Variants in CYP7B1 observed in about 807,000 individuals in gnomAD.
CYP7B1 encodes the protein cytochrome P450 family 7 subfamily B member 1, also known as cytochrome P450 7B1.
Under a neutral mutation model 42.7 loss-of-function variants are expected in CYP7B1, and 29 were observed. The ratio of observed to expected loss-of-function variants is 0.68; its 90% CI spans 0.51 to 0.93. CYP7B1 has a LOEUF of 0.93. CYP7B1 is among the 40% of genes least tolerant of loss of function. The probability of loss-of-function intolerance (pLI) is 0.00; values close to 1 mark genes in which losing one functional copy is unlikely to be tolerated. For missense variants in CYP7B1, 655 were observed against 600.5 expected, an observed-to-expected ratio of 1.09 and a Z score of -0.95; for synonymous variants, 235 against 218.2, an observed-to-expected ratio of 1.08 and a Z score of -0.68.
chr8:64,596,481 C>A lies in CYP7B1; in HGVS notation c.*161G>T. On this transcript the variant is annotated 3_prime_UTR_variant, in exon 6 of 6. Transcript: ENST00000310193. Reference sequence around the variant, plus strand: ...CCATCCTGTTTTATATTATGATGGGCTTTGTGACTAAGGACAAACTGGACT... The same window carrying A: ...CCATCCTGTTTTATATTATGATGGGATTTGTGACTAAGGACAAACTGGACT... 1.4e-6 allele frequency: 1 copy of A among 707,460 alleles called. No homozygotes were observed. Among genetic ancestry groups the A allele is most frequent in the East Asian group, 2.8e-5 (1 of 35,282 alleles). The allele number at this position is 707,460 out of a possible 1,614,324, so 43.8% of individuals were successfully genotyped here.
intron 1 of CYP7B1, among the ~76,000 whole-genome samples, chr8:64,653,654 C>G (rs1336498793): frequency 7.2e-5 from 11 of 152,144 alleles, no homozygotes; most frequent in Admixed American, 7.2e-4. Context: ...TTCTGTGAGG[C>G]CAGCATCATA....
intron 1 of CYP7B1, among the ~76,000 whole-genome samples, chr8:64,672,017 C>A (rs886377270): frequency 2.0e-5 from 3 of 152,136 alleles, no homozygotes; most frequent in Non-Finnish European, 4.4e-5. Context: ...GAAGCCATGA[C>A]ATTTAAGCTG....
Position 64,593,232 on chromosome 8 carries a change from GGTGTGT to G in CYP7B1, c.*3404_*3409del, listed in dbSNP as rs57590025. 0.082 allele frequency among the ~76,000 whole-genome samples: 10,045 copies of G among 122,940 alleles called. 404 individuals are homozygous for G. The highest frequency in any genetic ancestry group is 0.16 in the East Asian group (698 of 4,320). The allele number at this position is 122,940 out of a possible 152,430, so 80.7% of individuals were successfully genotyped here. ...TGGTGGACTAAAGGCTAGGGCCCAG[GGTGTGT>G]GTGTGTGTGTGTGTGTGTGTGTGTG... On this transcript the variant is annotated 3_prime_UTR_variant, in exon 6 of 6. Transcript: ENST00000310193.
intron 2 of CYP7B1, among the ~76,000 whole-genome samples, chr8:64,619,151 T>A (rs1805492059): frequency 6.6e-6 from 1 of 152,198 alleles, no homozygotes; most frequent in South Asian, 2.1e-4. Context: ...TCTGCTAATG[T>A]GAGATGCAAA....
At chr8:64,722,746 G>T (rs367838544) in intron 1 of CYP7B1, among the ~76,000 whole-genome samples, 11 of 108,246 alleles carry the variant, frequency 1.0e-4, no homozygotes, top group African/African-American at 2.0e-4. Context: ...TTTGCGGCGG[G>T]GGGGGGGGGG....
intron 1 of CYP7B1, among the ~76,000 whole-genome samples, chr8:64,777,472 G>A (rs1488187263): frequency 2.6e-5 from 4 of 152,086 alleles, no homozygotes; most frequent in African/African-American, 9.7e-5. Flanking sequence ...AAGGAATGCA[G>A]GTCAATTTGA....
chr8:64,643,914 C>A (rs1805906540), intron 1 of CYP7B1, among the ~76,000 whole-genome samples: 1 of 152,156 alleles, frequency 6.6e-6, no homozygotes, highest in Admixed American at 6.5e-5. Flanking sequence ...AATTCTAGTT[C>A]TCCTGCTATT....
chr8:64,590,646 A>C (rs1246723930), downstream of CYP7B1, among the ~76,000 whole-genome samples: 1 of 152,222 alleles, frequency 6.6e-6, no homozygotes, highest in Non-Finnish European at 1.5e-5. Context: ...AATAAGTTAA[A>C]ATATATTGAA....
Position 64,615,819 on chromosome 8 carries a change from A to T in CYP7B1, c.722T>A (p.Ile241Asn). The change falls in exon 3 of 6, where the codon ATT becomes AAT. Residue 241 changes from isoleucine (I) to asparagine (N), a missense_variant. By Grantham distance (149) the Ile-to-Asn change is moderately radical. Transcript: ENST00000310193. ...GAAGCATTTTATAATTTTCTCTCTA[A>T]TAGACTTGACATTTCCTAGAAGCTC... Reference protein sequence around the residue: ...PIELLGNVKSIREKIIKCFSS... With the variant: ...PIELLGNVKSNREKIIKCFSS... 1.9e-6 allele frequency: 3 copies of T among 1,613,760 alleles called. No homozygotes were observed. The highest frequency in any genetic ancestry group is 1.7e-6 in the Non-Finnish European group (2 of 1,179,746).
At chr8:64,629,883 C>T (rs1449530250) in intron 1 of CYP7B1, among the ~76,000 whole-genome samples, 1 of 152,040 alleles carries the variant, frequency 6.6e-6, no homozygotes, top group African/African-American at 2.4e-5. Flanking sequence ...TGGGAGATCC[C>T]AAAGGAGGAG....
chr8:64,742,894 T>A (rs1807590906), intron 1 of CYP7B1, among the ~76,000 whole-genome samples: 2 of 152,246 alleles, frequency 1.3e-5, no homozygotes, highest in Admixed American at 1.3e-4. Context: ...TACTTTATCA[T>A]GTATTTGATT....
intron 1 of CYP7B1, among the ~76,000 whole-genome samples, chr8:64,684,127 C>T (rs1389670683): frequency 2.0e-5 from 3 of 152,174 alleles, no homozygotes; most frequent in Non-Finnish European, 4.4e-5. Flanking sequence ...AGGCTCTGAC[C>T]ACGAAAGTGG....
intron 1 of CYP7B1, among the ~76,000 whole-genome samples, chr8:64,760,460 A>C (rs942074818): frequency 6.6e-6 from 1 of 152,146 alleles, no homozygotes; most frequent in Non-Finnish European, 1.5e-5. Flanking sequence ...ATATTTGATA[A>C]AAGGTTAATA....
chr8:64,791,330 C>T (rs1040757079), intron 1 of CYP7B1, among the ~76,000 whole-genome samples: 2 of 152,118 alleles, frequency 1.3e-5, no homozygotes, highest in Admixed American at 6.5e-5. Context: ...TGTCCTAATT[C>T]TTGAAGCCTA....
chr8:64,779,175 A>G (rs1372973451), intron 1 of CYP7B1, among the ~76,000 whole-genome samples: 5 of 152,142 alleles, frequency 3.3e-5, no homozygotes, highest in African/African-American at 1.2e-4. Context: ...AGATTTAAAA[A>G]GAATACAAAA....
Position 64,624,494 on chromosome 8 carries a change from A to G in CYP7B1, c.168T>C (p.Leu56=). The part of the protein sequence containing the change: ...PPLIKGWLPY[L]GVVLNLRKDP... ...CTTTTCGTAAGTTCAGGACCACTCC[A>G]AGATAAGGAAGCCAACCTTTTATCA... The change falls in exon 2 of 6, where the codon CTT becomes CTC. Residue 56 remains leucine (L), a synonymous_variant. Coordinates refer to ENST00000310193, the MANE Select transcript of CYP7B1 (RefSeq NM_004820.5). 6.2e-7 allele frequency: 1 copy of G among 1,613,758 alleles called. No individual in the cohort carries two copies. Among genetic ancestry groups the G allele is most frequent in the African/African-American group, 1.3e-5 (1 of 74,962 alleles).
intron 1 of CYP7B1, among the ~76,000 whole-genome samples, chr8:64,794,584 A>G (rs1264743029): frequency 3.9e-5 from 6 of 152,124 alleles, no homozygotes; most frequent in Non-Finnish European, 8.8e-5. Context: ...GGGGCAAGGG[A>G]GCCCTTTGGG....
chr8:64,592,638 C>T lies in CYP7B1; in HGVS notation c.*4004G>A, dbSNP rs1389730528. 3.3e-5 allele frequency among the ~76,000 whole-genome samples: 5 copies of T among 152,114 alleles called. No homozygotes were observed. Among genetic ancestry groups the T allele is most frequent in the Non-Finnish European group, 7.4e-5 (5 of 68,012 alleles). On this transcript the variant is annotated 3_prime_UTR_variant, in exon 6 of 6. Transcript: ENST00000310193. ...GATTCCCTTGAACAATACACAAGAG[C>T]AATTTTTTAAAGGCACAACACTGTT...
chr8:64,624,949 T>A, intron 1 of CYP7B1, among the ~76,000 whole-genome samples: 1 of 108,840 alleles, frequency 9.2e-6, no homozygotes, highest in African/African-American at 3.4e-5. Flanking sequence ...CATTATATCA[T>A]TCTTTTTTTT....
Sources: allele counts gnomAD v4.1 joint callset (sites outside exome capture counted in the v4.1 genomes callset), GRCh38; gene constraint gnomAD v4.1.1; transcripts MANE v1.5; gene names NCBI Gene and HGNC (gene_info 2026-07-23, HGNC 2026-07-21).